ARHGAP15: variants seen among roughly 807,000 people sequenced by gnomAD.
ARHGAP15 encodes the protein Rho GTPase activating protein 15, also known as rho GTPase-activating protein 15.
A neutral mutation model predicts 63.7 loss-of-function variants in ARHGAP15; 51 were observed. The observed-to-expected ratio is 0.80, with a 90% CI of 0.64 to 1.01. ARHGAP15 has a LOEUF of 1.01. Among genes scored for constraint, ARHGAP15 ranks in the 50% least tolerant of loss-of-function variants. The pLI is 0.00. For missense variants in ARHGAP15, 560 were observed against 564.6 expected, an observed-to-expected ratio of 0.99 and a Z score of 0.08; for synonymous variants, 191 against 193.8, an observed-to-expected ratio of 0.99 and a Z score of 0.12.
chr2:143,415,212 GA>G (rs565225054), intron 6 of ARHGAP15, among the ~76,000 whole-genome samples: 5 of 151,632 alleles, frequency 3.3e-5, no homozygotes, highest in African/African-American at 9.7e-5. Context: ...CATTGTTTAG[GA>G]AAAAAAATTG....
intron 8 of ARHGAP15, among the ~76,000 whole-genome samples, chr2:143,458,242 C>T (rs13411140): frequency 0.28 from 42,975 of 152,024 alleles, 6,883 homozygotes; most frequent in Non-Finnish European, 0.36. Flanking sequence ...TTTGAAAGCA[C>T]ACAAATAATC....
At chr2:143,362,435 T>C (rs759553163) in intron 6 of ARHGAP15, among the ~76,000 whole-genome samples, 9 of 152,206 alleles carry the variant, frequency 5.9e-5, no homozygotes, top group Non-Finnish European at 1.0e-4. Flanking sequence ...GAATTCTGCG[T>C]CCTCCTCTTC....
At chr2:143,698,958 T>C (rs1345267364) in intron 12 of ARHGAP15, among the ~76,000 whole-genome samples, 1 of 152,108 alleles carries the variant, frequency 6.6e-6, no homozygotes. Context: ...GAAAAACATA[T>C]GCTGAAGGAG....
chr2:143,448,418 G>A (rs1690246306), intron 8 of ARHGAP15, among the ~76,000 whole-genome samples: 1 of 152,142 alleles, frequency 6.6e-6, no homozygotes, highest in African/African-American at 2.4e-5. Context: ...AGGTAGCACA[G>A]AGTGAGAGAT....
chr2:143,694,478 G>A (rs1426631910), intron 12 of ARHGAP15, among the ~76,000 whole-genome samples: 4 of 152,122 alleles, frequency 2.6e-5, no homozygotes, highest in Middle Eastern at 3.4e-3. Context: ...TTTTTTTTCC[G>A]ATGATAACAG....
At chr2:143,397,852 A>G (rs1021616754) in intron 6 of ARHGAP15, among the ~76,000 whole-genome samples, 4 of 152,100 alleles carry the variant, frequency 2.6e-5, no homozygotes, top group African/African-American at 4.8e-5. Context: ...TAATTATTTG[A>G]AATGTATATA....
intron 6 of ARHGAP15, among the ~76,000 whole-genome samples, chr2:143,254,201 C>T (rs1436384932): frequency 1.3e-5 from 2 of 152,038 alleles, no homozygotes; most frequent in Admixed American, 1.3e-4. Context: ...ACAACATAAT[C>T]TTAAATAATC....
intron 2 of ARHGAP15, among the ~76,000 whole-genome samples, chr2:143,179,151 C>A (rs1244342453): frequency 1.3e-5 from 2 of 152,186 alleles, no homozygotes; most frequent in African/African-American, 4.8e-5. Context: ...TGCACCTAAC[C>A]TAGACCTTAC....
At chr2:143,570,844 TTTACAG>T (rs1225668020) in intron 11 of ARHGAP15, among the ~76,000 whole-genome samples, 4 of 152,182 alleles carry the variant, frequency 2.6e-5, no homozygotes, top group Admixed American at 2.6e-4. Flanking sequence ...CAGAATAGAA[TTTACAG>T]AACATACCAA....
chr2:143,565,095 C>T (rs532452100), intron 11 of ARHGAP15, among the ~76,000 whole-genome samples: 2 of 152,164 alleles, frequency 1.3e-5, no homozygotes, highest in East Asian at 3.9e-4. Flanking sequence ...AATTAAATAA[C>T]TCTTAGGCCA....
chr2:143,399,361 A>G (rs994345686), intron 6 of ARHGAP15, among the ~76,000 whole-genome samples: 1 of 151,990 alleles, frequency 6.6e-6, no homozygotes, highest in Non-Finnish European at 1.5e-5. Context: ...ACTGAGGCAA[A>G]AAAATAAAAA....
intron 12 of ARHGAP15, among the ~76,000 whole-genome samples, chr2:143,690,662 C>T (rs1468910405): frequency 1.3e-5 from 2 of 152,114 alleles, no homozygotes; most frequent in Non-Finnish European, 2.9e-5. Flanking sequence ...ACTATCTAAA[C>T]CACACCTTGG....
At chr2:143,153,827 CTTCTTCTTCTTCTTCT>C (rs1689948730) in intron 1 of ARHGAP15, among the ~76,000 whole-genome samples, 12 of 90,312 alleles carry the variant, frequency 1.3e-4, no homozygotes, top group African/African-American at 4.9e-4. Context: ...TCTTCTTCTT[CTTCTTCTTCTTCTTCT>C]TCCTCCTCCT....
At chr2:143,632,079 T>C (rs577123481) in intron 12 of ARHGAP15, among the ~76,000 whole-genome samples, 130 of 152,250 alleles carry the variant, frequency 8.5e-4, no homozygotes, top group African/African-American at 3.0e-3. Context: ...GTTTGATACA[T>C]GTATACAGTG....
chr2:143,595,375 A>G (rs1468657926), intron 11 of ARHGAP15, among the ~76,000 whole-genome samples: 1 of 152,084 alleles, frequency 6.6e-6, no homozygotes, highest in Non-Finnish European at 1.5e-5. Context: ...ATTATACTAA[A>G]TAAGTATCAT....
chr2:143,765,109 A>ATGTG (rs60894627), intron 13 of ARHGAP15, among the ~76,000 whole-genome samples: 4,277 of 147,578 alleles, frequency 0.029, 120 homozygotes, highest in African/African-American at 0.079. Flanking sequence ...CCTCTAAAAT[A>ATGTG]TGTGTGTGTG....
At chr2:143,150,632 A>G (rs146691256) in intron 1 of ARHGAP15, among the ~76,000 whole-genome samples, 1 of 152,050 alleles carries the variant, frequency 6.6e-6, no homozygotes, top group African/African-American at 2.4e-5. Context: ...TAACTCAGGG[A>G]TATTTATTTG....
chr2:143,265,454 T>G (rs919786118), intron 6 of ARHGAP15, among the ~76,000 whole-genome samples: 1 of 152,102 alleles, frequency 6.6e-6, no homozygotes, highest in Non-Finnish European at 1.5e-5. Context: ...GCTCAAAAAT[T>G]ACCTGAGAAA....
chr2:143,701,811 T>C (rs534563783), intron 12 of ARHGAP15, among the ~76,000 whole-genome samples: 336 of 152,314 alleles, frequency 2.2e-3, no homozygotes, highest in Non-Finnish European at 4.0e-3. Context: ...TCTTTCTACC[T>C]GTGTATTTCA....
Sources: allele counts gnomAD v4.1 joint callset (sites outside exome capture counted in the v4.1 genomes callset), GRCh38; gene constraint gnomAD v4.1.1; transcripts MANE v1.5; gene names NCBI Gene and HGNC (gene_info 2026-07-23, HGNC 2026-07-21).